The following PLEKHM3 variants were observed in gnomAD, a reference collection of about 807,000 sequenced individuals.
PLEKHM3 encodes pleckstrin homology domain containing M3.
Under a neutral mutation model 81.8 loss-of-function variants are expected in PLEKHM3, and 45 were observed. That is an observed-to-expected ratio of 0.55 (90% confidence interval 0.43 to 0.71). The LOEUF is 0.71. Ranked by LOEUF, PLEKHM3 falls within the 30% of genes least tolerant of loss-of-function variation. PLEKHM3 has a pLI of 0.00. For synonymous variants in PLEKHM3, 352 were observed against 356.4 expected (o/e 0.99, Z 0.14); for missense variants, 788 against 924.3 (o/e 0.85, Z 1.91).
chr2:207,978,996 C>T lies in PLEKHM3; in HGVS notation c.611-1410G>A, dbSNP rs531726736. Among the ~76,000 whole-genome samples, 7 of 152,278 alleles carry T rather than the reference C, an allele frequency of 4.6e-5. No individual in the cohort carries two copies. In the East Asian group the frequency reaches 1.4e-3, roughly 29 times the overall value. On this transcript the variant is annotated intron_variant, in intron 2 of 7. Transcript: ENST00000427836. ...GTCTTTTCATTCTTAGACCACAGAA[C>T]ATTGAACATTGCCTTGTACATAGTA... is the stretch of plus-strand genomic sequence containing the variant.
At position 207,865,801 on chromosome 2, in the gene PLEKHM3, AAGAT is replaced by A. The variant is rs1455364010; in HGVS notation, c.1951-4543_1951-4540del. The stretch of plus-strand genomic sequence containing the variant: ...CGACTCAAAAAAAAAAAAAAAAAAA[AAGAT>A]ATATATATATATATATATATATATA... On this transcript the variant is annotated intron_variant, in intron 6 of 7. Coordinates refer to ENST00000427836, the MANE Select transcript of PLEKHM3 (RefSeq NM_001080475.3). Among the ~76,000 whole-genome samples the A allele has an allele frequency of 4.7e-4, 12 of 25,288 alleles. 1 individual carries two copies. The highest frequency in any genetic ancestry group is 2.5e-3 in the African/African-American group (12 of 4,792). The allele number at this position is 25,288 out of a possible 152,430, so 16.6% of individuals were successfully genotyped here.
chr2:207,993,012 A>G (rs1691948855), intron 2 of PLEKHM3, among the ~76,000 whole-genome samples: 1 of 152,214 alleles, frequency 6.6e-6, no homozygotes, highest in Non-Finnish European at 1.5e-5. Context: ...ATGGGGAACT[A>G]TGGTTCACTT....
chr2:207,866,654 G>A (rs189590882), intron 6 of PLEKHM3, among the ~76,000 whole-genome samples: 83 of 152,276 alleles, frequency 5.5e-4, no homozygotes, highest in South Asian at 4.8e-3. Flanking sequence ...CCTGTTGTGA[G>A]CAAATTTTCC....
At chr2:207,956,472 C>CA (rs1312400547) in intron 3 of PLEKHM3, among the ~76,000 whole-genome samples, 1 of 148,304 alleles carries the variant, frequency 6.7e-6, no homozygotes, top group African/African-American at 2.5e-5. Flanking sequence ...GACTCCATCT[C>CA]AAAAAAAATA....
chr2:207,846,432 G>A (rs2092383608), intron 7 of PLEKHM3, among the ~76,000 whole-genome samples: 2 of 151,976 alleles, frequency 1.3e-5, no homozygotes, highest in South Asian at 2.1e-4. Flanking sequence ...GAACCACTGC[G>A]CCTGGCCCAG....
rs540915154 is a variant in PLEKHM3, at chr2:207,848,449, G to A, written c.2108+12656C>T. On this transcript the variant is annotated intron_variant, in intron 7 of 7. Transcript: ENST00000427836. ...CCATGGAGCCTTCTCCATGCACTGT[G>A]CCCAGGGGCAAATCTAAGGGCAACA... Among the ~76,000 whole-genome samples, 5 of 152,290 alleles carry A rather than the reference G, an allele frequency of 3.3e-5. 1 individual carries two copies. Among genetic ancestry groups the A allele is most frequent in the African/African-American group, 9.6e-5 (4 of 41,556 alleles).
chr2:208,003,367 G>T (rs1025395965), intron 1 of PLEKHM3, among the ~76,000 whole-genome samples: 1 of 152,210 alleles, frequency 6.6e-6, no homozygotes, highest in Non-Finnish European at 1.5e-5. Flanking sequence ...GTAGATAGAT[G>T]TGCTTTCTTT....
At chr2:207,901,341 C>T (rs1452905087) in intron 6 of PLEKHM3, 1 of 703,022 alleles carries the variant, frequency 1.4e-6, no homozygotes, top group Non-Finnish European at 2.6e-6. Flanking sequence ...GCATAAAGAA[C>T]AATCTGCACC....
intron 3 of PLEKHM3, among the ~76,000 whole-genome samples, chr2:207,957,919 G>A (rs1383256697): frequency 6.6e-6 from 1 of 152,146 alleles, no homozygotes; most frequent in Non-Finnish European, 1.5e-5. Context: ...GGTAGGATGG[G>A]TGGGTAAGCT....
chr2:207,965,278 G>A (rs1690872989), intron 3 of PLEKHM3, among the ~76,000 whole-genome samples: 2 of 151,898 alleles, frequency 1.3e-5, no homozygotes, highest in East Asian at 1.9e-4. Context: ...TAGAAGTTAC[G>A]CCGGAAATGA....
At chr2:207,859,518 G>A (rs1480463961) in intron 7 of PLEKHM3, among the ~76,000 whole-genome samples, 1 of 151,934 alleles carries the variant, frequency 6.6e-6, no homozygotes, top group Non-Finnish European at 1.5e-5. Context: ...TCAGTTGATA[G>A]ACAATTAAGT....
Position 208,001,844 on chromosome 2 carries a change from A to T in PLEKHM3, c.-205T>A. The T allele has an allele frequency of 1.4e-6, 1 of 711,706 alleles. No individual in the cohort carries two copies. The highest frequency in any genetic ancestry group is 2.3e-6 in the Non-Finnish European group (1 of 444,196). The allele number at this position is 711,706 out of a possible 1,614,324, so 44.1% of individuals were successfully genotyped here. On this transcript the variant is annotated 5_prime_UTR_variant, in exon 2 of 8. The change abolishes an upstream ATG in the 5' untranslated region. Transcript: ENST00000427836. ...AAGCATTTGCTAGTGGCTAATGGGC[A>T]TTAACAGATGTATAGGGAGACCAAA...
intron 5 of PLEKHM3, among the ~76,000 whole-genome samples, chr2:207,912,345 T>C (rs536082376): frequency 6.6e-6 from 1 of 152,254 alleles, no homozygotes; most frequent in Non-Finnish European, 1.5e-5. Context: ...TCTCCTTTTA[T>C]ATGAGATTCT....
intron 4 of PLEKHM3, among the ~76,000 whole-genome samples, chr2:207,943,867 CAAAAAAAAAAA>C (rs66843432): frequency 2.6e-5 from 2 of 75,766 alleles, no homozygotes; most frequent in African/African-American, 1.1e-4. Flanking sequence ...GACTCCGTCT[CAAAAAAAAAAA>C]AAAAAAAAAA....
chr2:207,982,209 G>A (rs374413303), intron 2 of PLEKHM3, among the ~76,000 whole-genome samples: 4 of 142,540 alleles, frequency 2.8e-5, no homozygotes, highest in East Asian at 2.0e-4. Flanking sequence ...TCCTTCCTTC[G>A]TTCCTCCCTC....
rs1559265140 is a variant in PLEKHM3, at chr2:207,976,028, T to A, written c.1546+623A>T. Among the ~76,000 whole-genome samples, 1 of 152,040 alleles carries A rather than the reference T, an allele frequency of 6.6e-6. No individual in the cohort carries two copies. Among genetic ancestry groups the A allele is most frequent in the African/African-American group, 2.4e-5 (1 of 41,400 alleles). On this transcript the variant is annotated intron_variant, in intron 3 of 7. Transcript: ENST00000427836. This position sits in a 1 kb window ranked among gnomAD's most constrained non-coding sequence, Gnocchi z 4.1. The stretch of plus-strand genomic sequence containing the variant: ...ACCTCAAACTCCACTTTGCATCTCA[T>A]CCTTACATAGCAGTTCCAGAAGGCC...
chr2:207,992,119 G>A (rs886313658), intron 2 of PLEKHM3, among the ~76,000 whole-genome samples: 1 of 152,162 alleles, frequency 6.6e-6, no homozygotes, highest in Non-Finnish European at 1.5e-5. Flanking sequence ...TTTAAATCTA[G>A]ATCACACTGT....
intron 2 of PLEKHM3, among the ~76,000 whole-genome samples, chr2:208,000,565 C>T (rs1692262513): frequency 6.6e-6 from 1 of 152,152 alleles, no homozygotes; most frequent in African/African-American, 2.4e-5. Flanking sequence ...GGTGTTGGAT[C>T]CCCTCAGCTA....
intron 2 of PLEKHM3, among the ~76,000 whole-genome samples, chr2:207,988,708 C>G (rs778572738): frequency 6.6e-6 from 1 of 152,200 alleles, no homozygotes; most frequent in African/African-American, 2.4e-5. Flanking sequence ...TGACCTACCC[C>G]CTTATGGCTG....
Sources: allele counts gnomAD v4.1 joint callset (sites outside exome capture counted in the v4.1 genomes callset), GRCh38; gene constraint gnomAD v4.1.1; non-coding constraint Gnocchi (gnomAD v3.1); transcripts MANE v1.5; gene names NCBI Gene and HGNC (gene_info 2026-07-23, HGNC 2026-07-21).